UCP3: variants seen among roughly 807,000 people sequenced by gnomAD.
UCP3 encodes the protein uncoupling protein 3.
A neutral mutation model predicts 28.1 loss-of-function variants in UCP3; 24 were observed. The observed-to-expected ratio is 0.85, with a 90% CI of 0.62 to 1.20. The LOEUF (loss-of-function observed/expected upper bound fraction) is 1.20. Among genes scored for constraint, UCP3 ranks in the 50% most tolerant of loss-of-function variants. The probability of loss-of-function intolerance (pLI) is 0.00; values close to 1 mark genes in which losing one functional copy is unlikely to be tolerated. For missense variants in UCP3, 397 were observed against 422.2 expected (o/e 0.94, Z 0.52); for synonymous variants, 184 against 171.2 (o/e 1.07, Z -0.59).
chr11:74,003,173 G>A (rs1302634103), intron 6 of UCP3, among the ~76,000 whole-genome samples: 6 of 152,254 alleles, frequency 3.9e-5, no homozygotes, highest in South Asian at 2.1e-4. Context: ...ATTATCGAGT[G>A]CTCACTTTGT....
chr11:74,007,191 A>C, intron 1 of UCP3, 54 bp from the exon 2 acceptor site: 1 of 1,055,946 alleles, frequency 9.5e-7, no homozygotes, highest in Non-Finnish European at 1.3e-6. Context: ...CCTGGCTCCC[A>C]GGAACTCTTC....
At position 74,006,774 on chromosome 11, in the gene UCP3, G is replaced by A. The variant is rs573592783; in HGVS notation, c.126+143C>T. Reference sequence around the variant, plus strand: ...TCCTGGTGGATGGTGATGGGAGGAGGCAAGGAAGGGTCCTAAGCAGTGGAG... The same window carrying A: ...TCCTGGTGGATGGTGATGGGAGGAGACAAGGAAGGGTCCTAAGCAGTGGAG... On this transcript the variant is annotated intron_variant, in intron 2 of 6. Coordinates refer to ENST00000314032, the MANE Select transcript of UCP3 (RefSeq NM_003356.4). The A allele has an allele frequency of 4.7e-5, 63 of 1,350,358 alleles. No individual in the cohort carries two copies. The East Asian group carries it at 1.5e-3, about 32-fold the overall frequency. 83.6% of individuals were successfully genotyped at this position (1,350,358 alleles called of 1,614,324 possible). A position where few individuals can be genotyped will look rare whatever the true frequency, so the allele number is the denominator to read the frequency against.
At chr11:74,004,690 G>A (rs1951647913) in intron 4 of UCP3, 105 bp from the exon 5 acceptor site, 6 of 1,054,008 alleles carry the variant, frequency 5.7e-6, no homozygotes, top group Non-Finnish European at 8.5e-6. Flanking sequence ...CCCAGTTTTG[G>A]GGCCATAGTG....
intron 4 of UCP3, among the ~76,000 whole-genome samples, chr11:74,005,191 T>A (rs941955958): frequency 6.6e-6 from 1 of 152,206 alleles, no homozygotes; most frequent in Non-Finnish European, 1.5e-5. Context: ...TGTGGACACA[T>A]AGGGAGCCCT....
In UCP3 at chr11:74,001,245, C is replaced by A. The variant is rs1018958219; in HGVS notation, c.*167G>T. On this transcript the variant is annotated 3_prime_UTR_variant, in exon 7 of 7. Coordinates refer to ENST00000314032, the MANE Select transcript of UCP3 (RefSeq NM_003356.4). ...TGTTCTTGAGGCATGGCAGTGAAGACCAGAATCCCTCCTCCTCTTCTACTT... is the reference window on the plus strand; with the variant it reads ...TGTTCTTGAGGCATGGCAGTGAAGAACAGAATCCCTCCTCCTCTTCTACTT... 7.9e-5 allele frequency: 52 copies of A among 658,430 alleles called. 1 individual carries two copies. In the South Asian group the frequency reaches 9.9e-4, roughly 12 times the overall value. 40.8% of individuals were successfully genotyped at this position (658,430 alleles called of 1,614,324 possible). A position where few individuals can be genotyped will look rare whatever the true frequency, so the allele number is the denominator to read the frequency against.
At chr11:74,008,547 G>A (rs545925427) in intron 1 of UCP3, among the ~76,000 whole-genome samples, 5 of 152,266 alleles carry the variant, frequency 3.3e-5, no homozygotes, top group African/African-American at 9.6e-5. Flanking sequence ...CCTGGACCAC[G>A]CCTCAGGTCA....
Position 74,001,748 on chromosome 11 carries a change from AC to A in UCP3, c.825-223del, listed in dbSNP as rs1367210532. ...AAGAAAAAAAAACTCACGTTTTGAGACGGGTTACTGTGTTAGGCAGCGAATT... is the reference window on the plus strand; with the variant it reads ...AAGAAAAAAAAACTCACGTTTTGAGAGGGTTACTGTGTTAGGCAGCGAATT... On this transcript the variant is annotated intron_variant, in intron 6 of 6. Coordinates refer to ENST00000314032, the MANE Select transcript of UCP3 (RefSeq NM_003356.4). The A allele has an allele frequency of 1.1e-5, 6 of 537,544 alleles. No individual in the cohort carries two copies. The African/African-American group carries it at 1.2e-4, about 10-fold the overall frequency. 33.3% of individuals were successfully genotyped at this position (537,544 alleles called of 1,614,324 possible).
chr11:74,004,695 A>C, intron 4 of UCP3, 110 bp from the exon 5 acceptor site: 3 of 951,774 alleles, frequency 3.2e-6, no homozygotes, highest in Non-Finnish European at 4.8e-6. Flanking sequence ...TTTTGGGGCC[A>C]TAGTGCCCCA....
Position 74,007,273 on chromosome 11 carries a change from A to G in UCP3, c.-95-136T>C. ...TACTTAAGCTGCATGAATTTGGCCTATAAAAACAGGTCACGTTCCTATCCC... is the reference window on the plus strand; with the variant it reads ...TACTTAAGCTGCATGAATTTGGCCTGTAAAAACAGGTCACGTTCCTATCCC... On this transcript the variant is annotated intron_variant, in intron 1 of 6. Coordinates refer to ENST00000314032, the MANE Select transcript of UCP3 (RefSeq NM_003356.4). The G allele has an allele frequency of 3.5e-6, 2 of 572,488 alleles. 1 individual carries two copies. 35.5% of individuals were successfully genotyped at this position (572,488 alleles called of 1,614,324 possible).
intron 6 of UCP3, chr11:74,003,528 G>T (rs771964300): frequency 8.0e-6 from 9 of 1,120,730 alleles, no homozygotes; most frequent in Non-Finnish European, 9.8e-6. Flanking sequence ...TCAGTGTGGT[G>T]CTCAATGGCC....
In UCP3 at chr11:74,006,989, C is replaced by T; in HGVS notation, c.54G>A (p.Leu18=). 1.2e-6 allele frequency: 2 copies of T among 1,614,206 alleles called. No individual in the cohort carries two copies. Among genetic ancestry groups the T allele is most frequent in the Non-Finnish European group, 1.7e-6 (2 of 1,180,046 alleles). The change falls in exon 2 of 7, where the codon CTG becomes CTA. Residue 18 remains leucine, a synonymous_variant. Transcript: ENST00000314032. ...DVPPTMAVKF[L]GAGTAACFAD... ...CAAAACAGGCTGCTGTGCCTGCCCCCAGGAACTTCACAGCCATGGTGGGAG... is the reference window on the plus strand; with the variant it reads ...CAAAACAGGCTGCTGTGCCTGCCCCTAGGAACTTCACAGCCATGGTGGGAG...
In UCP3 at chr11:74,005,943, G is replaced by A. The variant is rs761032316; in HGVS notation, c.338-10C>T. On this transcript the variant is annotated splice_polypyrimidine_tract_variant and intron_variant, in intron 3 of 6. Coordinates refer to ENST00000314032, the MANE Select transcript of UCP3 (RefSeq NM_003356.4). ...GTAGTGAGGCTGGAGTCTGGGAGGG[G>A]CAGAGAGAGTGGGCCAGTGTCCCCT... 5.6e-6 allele frequency: 9 copies of A among 1,613,736 alleles called. No homozygotes were observed. The Admixed American group carries it at 6.7e-5, about 12-fold the overall frequency.
rs953339169 is a variant in UCP3, at chr11:74,007,080, G to A, written c.-38C>T. 6 of 1,611,262 alleles carry A rather than the reference G, an allele frequency of 3.7e-6. No homozygotes were observed. The African/African-American group carries it at 5.3e-5, about 14-fold the overall frequency. On this transcript the variant is annotated 5_prime_UTR_variant, in exon 2 of 7. Transcript: ENST00000314032. Reference sequence around the variant, plus strand: ...CTCTGCCCAGTCCCTTTAGGGCCGAGAGGAGGTCCAAGGAGAGAGGCTGCT... The same window carrying A: ...CTCTGCCCAGTCCCTTTAGGGCCGAAAGGAGGTCCAAGGAGAGAGGCTGCT...
intron 1 of UCP3, chr11:74,007,366 G>C (rs1951675150): frequency 2.7e-6 from 1 of 372,304 alleles, no homozygotes; most frequent in East Asian, 6.3e-5. Context: ...AGAGCTGATA[G>C]TGGTACCTGC....
In UCP3 at chr11:74,001,346, GCAC is replaced by G. The variant is rs1450949314; in HGVS notation, c.*63_*65del. 6.0e-5 allele frequency: 88 copies of G among 1,455,002 alleles called. No homozygotes were observed. Among genetic ancestry groups the G allele is most frequent in the Non-Finnish European group, 2.6e-5 (27 of 1,037,564 alleles). 90.1% of individuals were successfully genotyped at this position (1,455,002 alleles called of 1,614,324 possible). On this transcript the variant is annotated 3_prime_UTR_variant, in exon 7 of 7. Transcript: ENST00000314032. ...GGTCTGTGTCCATGTGTGCGTGGAT[GCAC>G]CGTTTTCTTCCATTCTTAACTGGTT...
chr11:74,004,669 A>G, intron 4 of UCP3, 84 bp from the exon 5 acceptor site: 1 of 1,331,540 alleles, frequency 7.5e-7, no homozygotes, highest in Non-Finnish European at 1.1e-6. Flanking sequence ...CCTGGCTGCA[A>G]GGCCACAGGC....
chr11:74,005,662 T>C, intron 4 of UCP3, 68 bp downstream of exon 4: 1 of 1,565,418 alleles, frequency 6.4e-7, no homozygotes, highest in Non-Finnish European at 8.8e-7. Context: ...CTTACTGGGG[T>C]CCCTGCCCCA....
At chr11:74,006,690 AG>A (rs1358438193) in intron 2 of UCP3, among the ~76,000 whole-genome samples, 1 of 152,224 alleles carries the variant, frequency 6.6e-6, no homozygotes, top group Non-Finnish European at 1.5e-5. Context: ...TGCTTTACAA[AG>A]TAGGGCCTAG....
At chr11:74,006,465 G>T in intron 2 of UCP3, 86 bp from the exon 3 acceptor site, 1 of 1,356,386 alleles carries the variant, frequency 7.4e-7, no homozygotes, top group Non-Finnish European at 9.8e-7. Context: ...GGCTGGGCCT[G>T]CCTGGGCTGG....
Sources: allele counts gnomAD v4.1 joint callset (sites outside exome capture counted in the v4.1 genomes callset), GRCh38; gene constraint gnomAD v4.1.1; transcripts MANE v1.5; gene names NCBI Gene and HGNC (gene_info 2026-07-23, HGNC 2026-07-21).